The following SNX29 variants were observed in gnomAD, a reference collection of about 807,000 sequenced individuals.
The protein encoded by SNX29 is sorting nexin-29.
In SNX29, 78 loss-of-function variants were observed where a neutral mutation model predicts 102.1. That is an observed-to-expected ratio of 0.76 (90% CI 0.64 to 0.92). The LOEUF (loss-of-function observed/expected upper bound fraction) is 0.92. Among genes scored for constraint, SNX29 ranks in the 40% least tolerant of loss-of-function variants. The pLI, the probability that SNX29 is intolerant of heterozygous loss-of-function variation, is 0.00. For synonymous variants in SNX29, 580 were observed against 414.5 expected (o/e 1.40, Z -4.85); for missense variants, 1,280 against 1,061.7 (o/e 1.21, Z -2.86).
chr16:12,374,341 C>T (rs1166931523), intron 16 of SNX29: 1 of 152,236 alleles, frequency 6.6e-6, no homozygotes, highest in Middle Eastern at 3.2e-3. Context: ...TGAATCCAGT[C>T]CCTCACCAGA....
At chr16:12,532,899 C>G (rs1330973091) in intron 20 of SNX29, among the ~76,000 whole-genome samples, 1 of 152,194 alleles carries the variant, frequency 6.6e-6, no homozygotes, top group African/African-American at 2.4e-5. Flanking sequence ...ACACCTAGCC[C>G]CAGAGCGTTA....
intron 20 of SNX29, among the ~76,000 whole-genome samples, chr16:12,525,579 C>A (rs2076757620): frequency 2.0e-5 from 3 of 151,958 alleles, no homozygotes; most frequent in Admixed American, 1.3e-4. Flanking sequence ...GTAGTCCCAG[C>A]TACTTGGGAG....
At chr16:12,182,327 G>C (rs1321048439) in intron 13 of SNX29, among the ~76,000 whole-genome samples, 1 of 151,778 alleles carries the variant, frequency 6.6e-6, no homozygotes, top group Non-Finnish European at 1.5e-5. Context: ...AATCCCACTG[G>C]ACAAAGCACA....
At chr16:12,161,402 A>C (rs1001289426) in intron 13 of SNX29, among the ~76,000 whole-genome samples, 1 of 152,142 alleles carries the variant, frequency 6.6e-6, no homozygotes, top group Non-Finnish European at 1.5e-5. Flanking sequence ...GAATGACTTG[A>C]GGCTGGGGCA....
At chr16:12,444,042 T>A (rs2085930440) in intron 18 of SNX29, among the ~76,000 whole-genome samples, 1 of 151,816 alleles carries the variant, frequency 6.6e-6, no homozygotes, top group African/African-American at 2.4e-5. Flanking sequence ...GTATAGCACC[T>A]AGCACGTAGT....
chr16:12,467,151 C>G (rs1223674003), intron 18 of SNX29, among the ~76,000 whole-genome samples: 2 of 152,184 alleles, frequency 1.3e-5, no homozygotes, highest in Non-Finnish European at 2.9e-5. Context: ...GTGGCTCAGA[C>G]TCAGTAAGGG....
intron 19 of SNX29, among the ~76,000 whole-genome samples, chr16:12,489,722 C>A (rs4510028): frequency 0.64 from 96,959 of 152,180 alleles, 33,318 homozygotes; most frequent in African/African-American, 0.9. Context: ...GTGACAACTC[C>A]CACATAGGCA....
Position 12,368,549 on chromosome 16 carries a change from T to C in SNX29, c.1899+12270T>C, listed in dbSNP as rs1290626866. ...AATACAGTCCCTGCCTTTGAGAAGG[T>C]CAAAGCCCAGAATATATTTTGTGTG... is the stretch of plus-strand genomic sequence containing the variant. On this transcript the variant is annotated intron_variant, in intron 16 of 20. Coordinates refer to ENST00000566228, the MANE Select transcript of SNX29 (RefSeq NM_032167.5). 2.0e-5 allele frequency among the ~76,000 whole-genome samples: 3 copies of C among 152,178 alleles called. No individual in the cohort carries two copies. The South Asian group carries it at 6.2e-4, about 32-fold the overall frequency.
chr16:12,544,157 G>C (rs1567683355), intron 20 of SNX29, among the ~76,000 whole-genome samples: 1 of 152,232 alleles, frequency 6.6e-6, no homozygotes, highest in Non-Finnish European at 1.5e-5. Context: ...TCATTCCTAA[G>C]AACACGGGAT....
intron 14 of SNX29, among the ~76,000 whole-genome samples, chr16:12,273,786 C>T (rs996447375): frequency 6.6e-6 from 1 of 152,182 alleles, no homozygotes; most frequent in Non-Finnish European, 1.5e-5. Context: ...TCCCCCAGAC[C>T]CTGGCAACTA....
intron 19 of SNX29, among the ~76,000 whole-genome samples, chr16:12,495,801 CCCAGCACT>C (rs2088791865): frequency 6.6e-6 from 1 of 152,294 alleles, no homozygotes; most frequent in East Asian, 1.9e-4. Flanking sequence ...CGCCTGTAAT[CCCAGCACT>C]TTGGGAGACC....
chr16:12,451,938 A>G (rs2086317897), intron 18 of SNX29, among the ~76,000 whole-genome samples: 2 of 152,184 alleles, frequency 1.3e-5, no homozygotes, highest in African/African-American at 4.8e-5. Context: ...CTTTCTTAAA[A>G]TAAGGGAGTG....
At chr16:12,484,351 G>A (rs1037844478) in intron 19 of SNX29, among the ~76,000 whole-genome samples, 2 of 152,170 alleles carry the variant, frequency 1.3e-5, no homozygotes, top group Non-Finnish European at 2.9e-5. Context: ...CACTGTCACC[G>A]CAGTGTGGAC....
chr16:11,987,565 T>A (rs1458281039), intron 1 of SNX29, among the ~76,000 whole-genome samples: 8 of 152,028 alleles, frequency 5.3e-5, no homozygotes, highest in Non-Finnish European at 1.2e-4. Flanking sequence ...CCCAGCTAAT[T>A]TTTGTATTAT....
At chr16:12,280,050 G>C (rs1296302893) in intron 15 of SNX29, among the ~76,000 whole-genome samples, 1 of 152,118 alleles carries the variant, frequency 6.6e-6, no homozygotes, top group Non-Finnish European at 1.5e-5. Context: ...GTGGGGTGGG[G>C]GTGTTTGACC....
intron 11 of SNX29, among the ~76,000 whole-genome samples, chr16:12,125,605 CT>C (rs36212472): frequency 0.034 from 1,549 of 45,442 alleles, 205 homozygotes; most frequent in Middle Eastern, 0.077. Context: ...TGAGATCTCT[CT>C]TTTTTTTTTT....
intron 13 of SNX29, among the ~76,000 whole-genome samples, chr16:12,133,089 G>A (rs1428685322): frequency 1.3e-5 from 2 of 152,046 alleles, no homozygotes; most frequent in Non-Finnish European, 2.9e-5. Flanking sequence ...GGCTCATTGC[G>A]CCGGCGCCAT....
chr16:12,553,161 G>A (rs901923799), intron 20 of SNX29, among the ~76,000 whole-genome samples: 2 of 152,202 alleles, frequency 1.3e-5, no homozygotes, highest in Non-Finnish European at 2.9e-5. Flanking sequence ...TCCTTCCTGG[G>A]ATTTTTGGAT....
intron 19 of SNX29, among the ~76,000 whole-genome samples, chr16:12,485,597 G>A (rs530954030): frequency 3.3e-5 from 5 of 152,310 alleles, no homozygotes; most frequent in South Asian, 2.1e-4. Flanking sequence ...CACAGCCCTC[G>A]AGACGGCAGG....
Sources: allele counts gnomAD v4.1 joint callset (sites outside exome capture counted in the v4.1 genomes callset), GRCh38; gene constraint gnomAD v4.1.1; transcripts MANE v1.5; gene names NCBI Gene and HGNC (gene_info 2026-07-23, HGNC 2026-07-21).